GALNTL6: variants seen among roughly 807,000 people sequenced by gnomAD.
The protein encoded by GALNTL6 is polypeptide N-acetylgalactosaminyltransferase like 6, also known as polypeptide N-acetylgalactosaminyltransferase-like 6.
GALNTL6 carries 46 observed loss-of-function variants against 73.7 expected under a neutral mutation model. The ratio of observed to expected loss-of-function variants is 0.62; its 90% CI spans 0.49 to 0.80. GALNTL6 has a LOEUF of 0.80. Ranked by LOEUF, GALNTL6 falls within the 30% of genes least tolerant of loss-of-function variation. The probability of loss-of-function intolerance (pLI) is 0.00; values close to 1 mark genes in which losing one functional copy is unlikely to be tolerated. For missense variants in GALNTL6, 604 were observed against 755.0 expected (o/e 0.80, Z 2.34); for synonymous variants, 259 against 263.7 (o/e 0.98, Z 0.17).
intron 5 of GALNTL6, among the ~76,000 whole-genome samples, chr4:172,680,237 A>T (rs958112658): frequency 2.6e-5 from 4 of 152,106 alleles, no homozygotes; most frequent in East Asian, 3.9e-4. Flanking sequence ...TAGTTTTTTT[A>T]AAAAACTAGG....
intron 2 of GALNTL6, among the ~76,000 whole-genome samples, chr4:171,846,326 T>A (rs890756059): frequency 6.6e-6 from 1 of 152,190 alleles, no homozygotes; most frequent in African/African-American, 2.4e-5. Flanking sequence ...CTGATGCACC[T>A]GTTCCCCATG....
At chr4:171,999,394 A>C (rs140520857) in intron 2 of GALNTL6, among the ~76,000 whole-genome samples, 1 of 152,164 alleles carries the variant, frequency 6.6e-6, no homozygotes, top group Non-Finnish European at 1.5e-5. Flanking sequence ...AATGTGTGCT[A>C]TTTCCGGGGA....
At chr4:172,490,577 A>G (rs1007128547) in intron 5 of GALNTL6, among the ~76,000 whole-genome samples, 1 of 152,128 alleles carries the variant, frequency 6.6e-6, no homozygotes, top group Non-Finnish European at 1.5e-5. Context: ...TGCTCATGCT[A>G]CTCTATCTCA....
At position 171,914,662 on chromosome 4, in the gene GALNTL6, C is replaced by T. The variant is rs1460829678; in HGVS notation, c.138+99944C>T. 3.3e-5 allele frequency among the ~76,000 whole-genome samples: 5 copies of T among 151,068 alleles called. No homozygotes were observed. In the East Asian group the frequency reaches 7.8e-4, roughly 23 times the overall value. On this transcript the variant is annotated intron_variant, in intron 2 of 12. Coordinates refer to ENST00000506823, the MANE Select transcript of GALNTL6 (RefSeq NM_001034845.3). Reference sequence around the variant, plus strand: ...AACTCCTAACCTCAGGCAATCTGCCCGTCTTGTCCTCCCAAATTGCTGGGA... The same window carrying T: ...AACTCCTAACCTCAGGCAATCTGCCTGTCTTGTCCTCCCAAATTGCTGGGA...
At chr4:172,173,821 C>T (rs950592527) in intron 2 of GALNTL6, among the ~76,000 whole-genome samples, 17 of 152,158 alleles carry the variant, frequency 1.1e-4, no homozygotes, top group African/African-American at 3.6e-4. Flanking sequence ...GAAGAAGCAA[C>T]GTGAAAAGCA....
chr4:171,833,915 A>T (rs1241281040), intron 2 of GALNTL6, among the ~76,000 whole-genome samples: 1 of 151,862 alleles, frequency 6.6e-6, no homozygotes, highest in Non-Finnish European at 1.5e-5. Flanking sequence ...CATTTCAACC[A>T]CTGTTTGAAA....
At chr4:172,401,806 C>G (rs1366357063) in intron 5 of GALNTL6, among the ~76,000 whole-genome samples, 2 of 151,700 alleles carry the variant, frequency 1.3e-5, no homozygotes, top group Non-Finnish European at 2.9e-5. Flanking sequence ...ACAGACACCT[C>G]AAGTTTTTAT....
At chr4:172,746,897 G>A (rs1030262132) in intron 5 of GALNTL6, among the ~76,000 whole-genome samples, 1 of 152,054 alleles carries the variant, frequency 6.6e-6, no homozygotes, top group South Asian at 2.1e-4. Context: ...AGGAAAGGAT[G>A]AAGTAAAATT....
intron 3 of GALNTL6, among the ~76,000 whole-genome samples, chr4:172,263,899 G>A (rs1579312256): frequency 1.3e-5 from 2 of 151,348 alleles, no homozygotes; most frequent in East Asian, 3.9e-4. Flanking sequence ...TGTAGTTTTG[G>A]GTTGTGAGTT....
At chr4:172,644,729 C>T (rs558605337) in intron 5 of GALNTL6, among the ~76,000 whole-genome samples, 5 of 151,672 alleles carry the variant, frequency 3.3e-5, no homozygotes, top group Admixed American at 6.6e-5. Flanking sequence ...GTATATGGAG[C>T]GAAAGAAACA....
intron 10 of GALNTL6, among the ~76,000 whole-genome samples, chr4:172,972,678 T>C (rs1321227828): frequency 6.6e-6 from 1 of 150,942 alleles, no homozygotes; most frequent in East Asian, 1.9e-4. Context: ...TGGGCTGAGA[T>C]AGTTTGTTAC....
At chr4:171,843,582 T>G (rs561993968) in intron 2 of GALNTL6, among the ~76,000 whole-genome samples, 73 of 152,256 alleles carry the variant, frequency 4.8e-4, no homozygotes, top group African/African-American at 1.8e-3. Flanking sequence ...TAACCGCAAA[T>G]GGGCAAACTT....
intron 2 of GALNTL6, among the ~76,000 whole-genome samples, chr4:171,916,195 C>T (rs1041671866): frequency 6.6e-6 from 1 of 151,680 alleles, no homozygotes; most frequent in African/African-American, 2.4e-5. Context: ...ATGTATACAA[C>T]GTTTAACATA....
At chr4:172,144,520 T>A (rs1733878793) in intron 2 of GALNTL6, among the ~76,000 whole-genome samples, 2 of 152,196 alleles carry the variant, frequency 1.3e-5, no homozygotes, top group East Asian at 3.9e-4. Context: ...GATAAAATCA[T>A]ATTGTCACAG....
intron 7 of GALNTL6, among the ~76,000 whole-genome samples, chr4:172,871,161 G>C (rs557997919): frequency 9.9e-5 from 15 of 152,264 alleles, no homozygotes; most frequent in African/African-American, 3.6e-4. Context: ...CCCAAGCCAT[G>C]CCAAGGGCCA....
At chr4:172,017,520 C>T (rs1490832382) in intron 2 of GALNTL6, among the ~76,000 whole-genome samples, 2 of 152,048 alleles carry the variant, frequency 1.3e-5, no homozygotes, top group Non-Finnish European at 2.9e-5. Flanking sequence ...CAGGGGAGAA[C>T]AAGGTCCCCT....
intron 2 of GALNTL6, among the ~76,000 whole-genome samples, chr4:172,069,555 GTTATATATA>G (rs1731473325): frequency 6.6e-5 from 4 of 60,922 alleles, no homozygotes; most frequent in Non-Finnish European, 1.0e-4. Context: ...ACACATATAT[GTTATATATA>G]ACACATATAT....
intron 4 of GALNTL6, among the ~76,000 whole-genome samples, chr4:172,339,254 A>G (rs1561033926): frequency 7.4e-6 from 1 of 134,824 alleles, no homozygotes; most frequent in African/African-American, 2.8e-5. Context: ...ACACACACAC[A>G]CACCACACAC....
intron 3 of GALNTL6, among the ~76,000 whole-genome samples, chr4:172,300,493 T>C (rs1242681318): frequency 1.3e-5 from 2 of 152,226 alleles, no homozygotes; most frequent in East Asian, 3.8e-4. Context: ...TGGCATGTTT[T>C]TGCAGTGGCT....
Sources: allele counts gnomAD v4.1 joint callset (sites outside exome capture counted in the v4.1 genomes callset), GRCh38; gene constraint gnomAD v4.1.1; transcripts MANE v1.5; gene names NCBI Gene and HGNC (gene_info 2026-07-23, HGNC 2026-07-21).